TRAK1: variants seen among roughly 807,000 people sequenced by gnomAD.
The protein encoded by TRAK1 is trafficking kinesin protein 1.
TRAK1 carries 33 observed loss-of-function variants against 92.1 expected under a neutral mutation model. The ratio of observed to expected loss-of-function variants is 0.36; its 90% CI spans 0.27 to 0.48. TRAK1 has a LOEUF of 0.48. Ranked by LOEUF, TRAK1 falls within the 20% of genes least tolerant of loss-of-function variation. The pLI is 0.99. For synonymous variants in TRAK1, 521 were observed against 517.3 expected (o/e 1.01, Z -0.10); for missense variants, 1,123 against 1,257.9 (o/e 0.89, Z 1.62).
At chr3:42,145,820 G>A (rs112997724) in intron 2 of TRAK1, 17 of 239,416 alleles carry the variant, frequency 7.1e-5, no homozygotes, top group African/African-American at 2.8e-4. Context: ...GTTTAGTTGG[G>A]TCATAAGAAA....
intron 2 of TRAK1, chr3:42,151,187 A>G: frequency 2.8e-6 from 1 of 358,780 alleles, no homozygotes; most frequent in South Asian, 2.1e-5. Context: ...TGGAGGAAGA[A>G]GGTTTCCTAA....
At chr3:42,027,392 G>A (rs936230744) in intron 1 of TRAK1, among the ~76,000 whole-genome samples, 1 of 151,914 alleles carries the variant, frequency 6.6e-6, no homozygotes, top group East Asian at 1.9e-4. Context: ...GTGTGGTGGC[G>A]GGCACCTATA....
chr3:42,106,223 G>T (rs1397909239), intron 1 of TRAK1, among the ~76,000 whole-genome samples: 2 of 152,106 alleles, frequency 1.3e-5, no homozygotes, highest in Admixed American at 1.3e-4. Context: ...ACACAGACTG[G>T]CAAATTGGAT....
chr3:42,093,612 C>CT (rs1312675604), intron 1 of TRAK1, among the ~76,000 whole-genome samples: 11 of 147,278 alleles, frequency 7.5e-5, no homozygotes, highest in Non-Finnish European at 1.3e-4. Flanking sequence ...CTCCTGTCCT[C>CT]TTTTCTCTCC....
intron 1 of TRAK1, among the ~76,000 whole-genome samples, chr3:42,104,613 A>G (rs1252282371): frequency 2.0e-5 from 3 of 152,236 alleles, no homozygotes; most frequent in Non-Finnish European, 1.5e-5. Context: ...GCAAACTCCA[A>G]CAGACCTGCA....
intron 1 of TRAK1, chr3:42,051,627 C>G (rs998225123): frequency 5.9e-5 from 9 of 152,284 alleles, no homozygotes; most frequent in Non-Finnish European, 1.2e-4. Flanking sequence ...CTTTGGCTGT[C>G]CTTTCTCCAT....
chr3:42,202,957 T>C lies in TRAK1; in HGVS notation c.1744+205T>C. 2 of 1,393,280 alleles carry C rather than the reference T, an allele frequency of 1.4e-6. No homozygotes were observed. The highest frequency in any genetic ancestry group is 1.9e-6 in the Non-Finnish European group (2 of 1,072,824). 86.3% of individuals were successfully genotyped at this position (1,393,280 alleles called of 1,614,324 possible). ...CCCCTCTGGCTGGCAGGTGTGACAA[T>C]GCACACATAGGCCATGAAACTCGCC... is the stretch of plus-strand genomic sequence containing the variant. On this transcript the variant is annotated intron_variant, in intron 13 of 15. Transcript: ENST00000327628. The surrounding 1 kb of genome is among the most constrained non-coding windows in gnomAD (Gnocchi z 6.1).
intron 1 of TRAK1, among the ~76,000 whole-genome samples, chr3:42,120,067 TAAAA>T (rs1223711699): frequency 6.6e-6 from 1 of 151,962 alleles, no homozygotes; most frequent in African/African-American, 2.4e-5. Flanking sequence ...AATAAATAAA[TAAAA>T]AGCTCTTTTC....
intron 14 of TRAK1, among the ~76,000 whole-genome samples, chr3:42,217,087 C>G (rs1177437462): frequency 2.7e-5 from 4 of 148,774 alleles, no homozygotes; most frequent in African/African-American, 5.1e-5. Context: ...TTATGTTTCT[C>G]TCTCTCTCTC....
At chr3:42,154,443 G>C (rs1576659183) in intron 2 of TRAK1, among the ~76,000 whole-genome samples, 1 of 151,876 alleles carries the variant, frequency 6.6e-6, no homozygotes, top group African/African-American at 2.4e-5. Context: ...AAAGTGCTGG[G>C]ATTACAGGCG....
At chr3:42,031,282 C>G (rs1702137139) in intron 1 of TRAK1, among the ~76,000 whole-genome samples, 2 of 151,758 alleles carry the variant, frequency 1.3e-5, no homozygotes, top group Admixed American at 1.3e-4. Flanking sequence ...TGTGATCCAC[C>G]CGCCTCGACC....
At chr3:42,029,544 A>G (rs992806069) in intron 1 of TRAK1, among the ~76,000 whole-genome samples, 3 of 150,612 alleles carry the variant, frequency 2.0e-5, no homozygotes, top group African/African-American at 7.4e-5. Flanking sequence ...GCCCAGCCTG[A>G]TAGAATTTTT....
At chr3:42,210,871 G>A in intron 14 of TRAK1, 1 of 982,504 alleles carries the variant, frequency 1.0e-6, no homozygotes, top group Non-Finnish European at 1.2e-6. Flanking sequence ...CATTAAAGGT[G>A]TGGCCATGAG....
chr3:42,098,933 G>A (rs923802470), intron 1 of TRAK1, among the ~76,000 whole-genome samples: 1 of 151,988 alleles, frequency 6.6e-6, no homozygotes. Flanking sequence ...AGGGCTGGGG[G>A]ATTCCAGCTG....
chr3:42,181,301 T>G (rs1159385328), intron 3 of TRAK1, among the ~76,000 whole-genome samples: 1 of 124,820 alleles, frequency 8.0e-6, no homozygotes, highest in East Asian at 3.5e-4. Context: ...CCCAGCACTT[T>G]GGGAGGCTGA....
chr3:42,212,756 G>A (rs1291037051), intron 14 of TRAK1: 2 of 212,192 alleles, frequency 9.4e-6, no homozygotes, highest in Non-Finnish European at 1.6e-5. Flanking sequence ...GTGGGGAAGA[G>A]CCTGCATGTG....
intron 1 of TRAK1, among the ~76,000 whole-genome samples, chr3:42,022,595 C>T (rs1018744970): frequency 5.9e-5 from 9 of 151,750 alleles, no homozygotes; most frequent in Admixed American, 3.3e-4. Flanking sequence ...GGTGGTGTGC[C>T]CCAGTAGTCC....
intron 2 of TRAK1, among the ~76,000 whole-genome samples, chr3:42,171,358 A>C (rs1386894094): frequency 1.3e-5 from 2 of 152,208 alleles, no homozygotes; most frequent in Non-Finnish European, 2.9e-5. Flanking sequence ...TCCAAAATAC[A>C]TGAATGGGAA....
intron 1 of TRAK1, among the ~76,000 whole-genome samples, chr3:42,022,578 T>TG (rs1450813767): frequency 6.6e-6 from 1 of 151,968 alleles, no homozygotes; most frequent in Non-Finnish European, 1.5e-5. Context: ...TAAAATTAGC[T>TG]GGGCATGGTG....
Sources: allele counts gnomAD v4.1 joint callset (sites outside exome capture counted in the v4.1 genomes callset), GRCh38; gene constraint gnomAD v4.1.1; non-coding constraint Gnocchi (gnomAD v3.1); transcripts MANE v1.5; gene names NCBI Gene and HGNC (gene_info 2026-07-23, HGNC 2026-07-21).